GPC6: variants seen among roughly 807,000 people sequenced by gnomAD.
GPC6 encodes the protein glypican-6.
GPC6 carries 14 observed loss-of-function variants against 55.2 expected under a neutral mutation model. The ratio of observed to expected loss-of-function variants is 0.25; its 90% CI spans 0.17 to 0.40. GPC6 has a LOEUF of 0.40. GPC6 is among the 10% of genes least tolerant of loss of function. The pLI is 1.00. For missense variants in GPC6, 641 were observed against 708.5 expected (o/e 0.90, Z 1.08); for synonymous variants, 278 against 259.6 (o/e 1.07, Z -0.68).
In GPC6 at chr13:94,139,883, A is replaced by G. The variant is rs543442708; in HGVS notation, c.877+111989A>G. Among the ~76,000 whole-genome samples, 286 of 152,126 alleles carry G rather than the reference A, an allele frequency of 1.9e-3. 2 individuals carry two copies. The highest frequency in any genetic ancestry group is 3.3e-3 in the Non-Finnish European group (221 of 67,984). ...TACAGTTTAACAACATTGTTTTCTG[A>G]TTGTTGTTAACATTGACACATAGTA... is the stretch of plus-strand genomic sequence containing the variant. On this transcript the variant is annotated intron_variant, in intron 4 of 8. Coordinates refer to ENST00000377047, the MANE Select transcript of GPC6 (RefSeq NM_005708.5).
chr13:93,932,507 A>G (rs1259740763), intron 3 of GPC6, among the ~76,000 whole-genome samples: 1 of 152,238 alleles, frequency 6.6e-6, no homozygotes, highest in Admixed American at 6.5e-5. Context: ...CTAGAAACAA[A>G]TGTCTGTTTC....
chr13:94,067,609 A>G (rs1884570987), intron 4 of GPC6, among the ~76,000 whole-genome samples: 1 of 151,838 alleles, frequency 6.6e-6, no homozygotes, highest in African/African-American at 2.4e-5. Context: ...ATAGATAGAT[A>G]GATAGATAGA....
At chr13:93,693,378 T>G (rs1324078637) in intron 2 of GPC6, among the ~76,000 whole-genome samples, 1 of 152,054 alleles carries the variant, frequency 6.6e-6, no homozygotes, top group Non-Finnish European at 1.5e-5. Flanking sequence ...AGTAGTATGC[T>G]CTCCAAGGCC....
intron 1 of GPC6, among the ~76,000 whole-genome samples, chr13:93,246,093 A>G (rs1566539369): frequency 6.6e-6 from 1 of 151,896 alleles, no homozygotes; most frequent in Non-Finnish European, 1.5e-5. Flanking sequence ...CATCCCCCCA[A>G]CCTCCTCCTT....
intron 1 of GPC6, among the ~76,000 whole-genome samples, chr13:93,247,987 C>T (rs1350001179): frequency 1.3e-5 from 2 of 152,066 alleles, no homozygotes; most frequent in African/African-American, 4.8e-5. Flanking sequence ...TTGTTGTTAA[C>T]ACAAAATTTA....
At chr13:93,818,120 T>C (rs1594483612) in intron 2 of GPC6, among the ~76,000 whole-genome samples, 4 of 148,208 alleles carry the variant, frequency 2.7e-5, no homozygotes, top group East Asian at 3.9e-4. Flanking sequence ...AATTTATATA[T>C]ACACACACAC....
chr13:93,399,276 C>A (rs532151416), intron 1 of GPC6, among the ~76,000 whole-genome samples: 4 of 152,330 alleles, frequency 2.6e-5, no homozygotes, highest in African/African-American at 9.6e-5. Context: ...ACACCTATTG[C>A]AATTTGTAAT....
chr13:93,914,402 AT>A (rs547143443), intron 3 of GPC6, among the ~76,000 whole-genome samples: 10 of 152,160 alleles, frequency 6.6e-5, no homozygotes, highest in Non-Finnish European at 1.2e-4. Flanking sequence ...TTAACTCATC[AT>A]TTTTTATGGC....
chr13:93,781,703 G>A (rs1264808914), intron 2 of GPC6, among the ~76,000 whole-genome samples: 2 of 152,120 alleles, frequency 1.3e-5, no homozygotes, highest in African/African-American at 4.8e-5. Flanking sequence ...GATATTAGAT[G>A]TAGCACACAA....
intron 2 of GPC6, among the ~76,000 whole-genome samples, chr13:93,736,980 G>C (rs543070534): frequency 2.0e-4 from 31 of 152,252 alleles, no homozygotes; most frequent in Admixed American, 7.2e-4. Context: ...AAGATAAAAG[G>C]CATGAGGAAA....
intron 4 of GPC6, among the ~76,000 whole-genome samples, chr13:94,148,506 TA>T (rs1411431171): frequency 6.6e-6 from 1 of 152,160 alleles, no homozygotes; most frequent in Non-Finnish European, 1.5e-5. Flanking sequence ...TCAATGGAAA[TA>T]TAAGATATTA....
intron 1 of GPC6, among the ~76,000 whole-genome samples, chr13:93,298,607 TC>T (rs1425193351): frequency 6.7e-6 from 1 of 148,910 alleles, no homozygotes; most frequent in African/African-American, 2.4e-5. Context: ...CCTAATATTT[TC>T]TTTTTTCTTT....
chr13:94,316,115 T>C (rs1044256790), intron 6 of GPC6, among the ~76,000 whole-genome samples: 1 of 152,132 alleles, frequency 6.6e-6, no homozygotes, highest in African/African-American at 2.4e-5. Context: ...CATGCTCTTG[T>C]AAAGATTGCC....
chr13:93,621,064 C>T (rs575793435), intron 2 of GPC6, among the ~76,000 whole-genome samples: 16 of 152,136 alleles, frequency 1.1e-4, no homozygotes, highest in East Asian at 1.9e-4. Context: ...ATGGTGGTGA[C>T]GAATTGCAAT....
chr13:93,307,245 T>G (rs1878889257), intron 1 of GPC6, among the ~76,000 whole-genome samples: 1 of 152,148 alleles, frequency 6.6e-6, no homozygotes, highest in Admixed American at 6.5e-5. Context: ...TGGGTGAAAT[T>G]ATAGCCATAT....
chr13:93,247,682 C>A (rs1046748523), intron 1 of GPC6, among the ~76,000 whole-genome samples: 3 of 152,092 alleles, frequency 2.0e-5, no homozygotes, highest in Non-Finnish European at 4.4e-5. Context: ...AGGTCAGTTT[C>A]AATTGAATAT....
At chr13:93,583,365 T>C (rs1165197196) in intron 2 of GPC6, among the ~76,000 whole-genome samples, 1 of 150,172 alleles carries the variant, frequency 6.7e-6, no homozygotes, top group African/African-American at 2.5e-5. Flanking sequence ...CGCGCGCGCG[T>C]GCGTATGTGT....
intron 4 of GPC6, among the ~76,000 whole-genome samples, chr13:94,038,647 G>A (rs1171383953): frequency 6.6e-6 from 1 of 151,842 alleles, no homozygotes; most frequent in African/African-American, 2.4e-5. Flanking sequence ...GTACCTCTTA[G>A]CATTGTGAGG....
At chr13:93,373,109 C>T (rs1324810385) in intron 1 of GPC6, among the ~76,000 whole-genome samples, 1 of 152,180 alleles carries the variant, frequency 6.6e-6, no homozygotes, top group African/African-American at 2.4e-5. Context: ...TTAAACCTAT[C>T]AAACAATCGT....
Sources: gnomAD v4.1 joint callset for allele counts (sites outside exome capture counted in the v4.1 genomes callset) on GRCh38, gnomAD v4.1.1 for gene constraint, MANE v1.5 for transcripts, NCBI Gene and HGNC (gene_info 2026-07-23, HGNC 2026-07-21) for gene names.